The following SYN3 variants were observed in gnomAD, a reference collection of about 807,000 sequenced individuals.
SYN3 encodes the protein synapsin III.
SYN3 carries 35 observed loss-of-function variants against 65.8 expected under a neutral mutation model. That is an observed-to-expected ratio of 0.53 (90% confidence interval 0.41 to 0.70). SYN3 has a LOEUF of 0.70. Ranked by LOEUF, SYN3 falls within the 30% of genes least tolerant of loss-of-function variation. SYN3 has a pLI of 0.00. For synonymous variants in SYN3, 270 were observed against 292.9 expected, an observed-to-expected ratio of 0.92 and a Z score of 0.80; for missense variants, 680 against 749.0, an observed-to-expected ratio of 0.91 and a Z score of 1.08.
At chr22:32,978,314 AG>A (rs1329999218) in intron 3 of SYN3, among the ~76,000 whole-genome samples, 1 of 151,914 alleles carries the variant, frequency 6.6e-6, no homozygotes, top group African/African-American at 2.4e-5. Context: ...GTACAGGGAG[AG>A]GGGCACATCC....
intron 6 of SYN3, among the ~76,000 whole-genome samples, chr22:32,672,921 T>G (rs2060390960): frequency 1.3e-5 from 2 of 152,190 alleles, no homozygotes; most frequent in African/African-American, 4.8e-5. Context: ...GGTTGGCCAC[T>G]GACACTGATG....
intron 4 of SYN3, among the ~76,000 whole-genome samples, chr22:32,908,601 C>T (rs1053355089): frequency 6.6e-6 from 1 of 152,134 alleles, no homozygotes; most frequent in African/African-American, 2.4e-5. Context: ...GCCCAGAGGT[C>T]CTATCTGGCT....
intron 1 of SYN3, among the ~76,000 whole-genome samples, chr22:33,029,524 A>G (rs539530492): frequency 1.3e-5 from 2 of 152,218 alleles, no homozygotes; most frequent in Admixed American, 1.3e-4. Flanking sequence ...CTCAACTTGT[A>G]TACAATAATT....
chr22:32,603,356 CAAA>C (rs10670581), intron 6 of SYN3, among the ~76,000 whole-genome samples: 2 of 125,968 alleles, frequency 1.6e-5, no homozygotes, highest in Admixed American at 8.0e-5. Flanking sequence ...ACTAAAAATA[CAAA>C]AAAAAAAAAA....
chr22:32,693,684 C>T (rs5749491), intron 6 of SYN3, among the ~76,000 whole-genome samples: 36,568 of 148,770 alleles, frequency 0.25, 6,205 homozygotes, highest in East Asian at 0.63. Flanking sequence ...TCCAGCCTCC[C>T]GGGTTCAAAT....
At chr22:32,952,791 A>T (rs1304817391) in intron 3 of SYN3, among the ~76,000 whole-genome samples, 1 of 152,194 alleles carries the variant, frequency 6.6e-6, no homozygotes, top group African/African-American at 2.4e-5. Flanking sequence ...TAAAAATAAA[A>T]AGCAGTGTTT....
intron 6 of SYN3, among the ~76,000 whole-genome samples, chr22:32,839,428 G>A (rs933298874): frequency 3.3e-5 from 5 of 152,076 alleles, no homozygotes; most frequent in Admixed American, 3.3e-4. Context: ...ATCATGCTTG[G>A]TGAACACTTT....
intron 3 of SYN3, among the ~76,000 whole-genome samples, chr22:32,977,987 T>G (rs558843814): frequency 6.6e-6 from 1 of 152,198 alleles, no homozygotes; most frequent in African/African-American, 2.4e-5. Flanking sequence ...TGAGGAGCTA[T>G]GAAAGGGAAT....
intron 6 of SYN3, among the ~76,000 whole-genome samples, chr22:32,850,839 G>A (rs1367171615): frequency 6.6e-6 from 1 of 152,236 alleles, no homozygotes; most frequent in African/African-American, 2.4e-5. Context: ...AAGCCGCAAT[G>A]TCCAGGTAGA....
At chr22:32,808,586 C>T (rs2046828791) in intron 6 of SYN3, among the ~76,000 whole-genome samples, 1 of 152,210 alleles carries the variant, frequency 6.6e-6, no homozygotes, top group South Asian at 2.1e-4. Flanking sequence ...CCTACCTCAT[C>T]CTCATAGTCT....
chr22:32,939,750 T>G (rs139889600), intron 3 of SYN3, among the ~76,000 whole-genome samples: 223 of 152,362 alleles, frequency 1.5e-3, no homozygotes, highest in South Asian at 0.011. Context: ...GTTTATCCAT[T>G]CTGCTGATGG....
At chr22:32,773,951 C>A (rs1038751074) in intron 6 of SYN3, among the ~76,000 whole-genome samples, 1 of 151,964 alleles carries the variant, frequency 6.6e-6, no homozygotes, top group African/African-American at 2.4e-5. Context: ...AACGGAACTG[C>A]CAGTAGGAGG....
At chr22:32,640,343 G>C (rs2146876159) in intron 6 of SYN3, among the ~76,000 whole-genome samples, 1 of 152,292 alleles carries the variant, frequency 6.6e-6, no homozygotes, top group South Asian at 2.1e-4. Context: ...CCAAAGTGCT[G>C]GCACAAGATG....
intron 6 of SYN3, among the ~76,000 whole-genome samples, chr22:32,610,292 CA>C (rs1234648863): frequency 2.0e-5 from 3 of 151,822 alleles, no homozygotes; most frequent in Non-Finnish European, 4.4e-5. Context: ...CTGCCCCCCC[CA>C]AAAAAAGAAA....
intron 6 of SYN3, among the ~76,000 whole-genome samples, chr22:32,820,251 T>C (rs1034897290): frequency 3.3e-5 from 5 of 150,148 alleles, no homozygotes; most frequent in Non-Finnish European, 1.5e-5. Flanking sequence ...CCTGTGTGTG[T>C]GTGTGTGTGT....
rs575120059 is a variant in SYN3, at chr22:32,578,951, C to T, written c.774+17723G>A. On this transcript the variant is annotated intron_variant, in intron 7 of 13. Transcript: ENST00000358763. ...TAAGCAGGGCCATGTTATAATAAAA[C>T]TTTATTAACAAAATCAGGTTGTGGG... Among the ~76,000 whole-genome samples the T allele has an allele frequency of 2.6e-5, 4 of 152,270 alleles. No homozygotes were observed. In the East Asian group the frequency reaches 7.7e-4, roughly 29 times the overall value.
chr22:32,975,089 C>T (rs1471024949), intron 3 of SYN3, among the ~76,000 whole-genome samples: 1 of 152,078 alleles, frequency 6.6e-6, no homozygotes, highest in African/African-American at 2.4e-5. Context: ...CAAGATAGGT[C>T]TCCCCAGCTG....
intron 3 of SYN3, among the ~76,000 whole-genome samples, chr22:32,967,215 C>T (rs555051939): frequency 6.6e-6 from 1 of 152,338 alleles, no homozygotes; most frequent in South Asian, 2.1e-4. Flanking sequence ...GCCTCAGGCA[C>T]CGCCAGTGGA....
intron 9 of SYN3, 107 bp from the exon 10 acceptor site, chr22:32,534,002 C>T: frequency 1.5e-6 from 1 of 682,894 alleles, no homozygotes; most frequent in South Asian, 1.7e-5. Flanking sequence ...GGGACAGTGA[C>T]TCACACATCC....
Sources: allele counts gnomAD v4.1 joint callset (sites outside exome capture counted in the v4.1 genomes callset), GRCh38; gene constraint gnomAD v4.1.1; transcripts MANE v1.5; gene names NCBI Gene and HGNC (gene_info 2026-07-23, HGNC 2026-07-21).